The following VAMP8 variants were observed in gnomAD, a reference collection of about 807,000 sequenced individuals.
VAMP8 encodes vesicle-associated membrane protein 8.
Under a neutral mutation model 11.4 loss-of-function variants are expected in VAMP8, and 9 were observed. That is an observed-to-expected ratio of 0.79 (90% CI 0.48 to 1.38). The LOEUF is 1.38. VAMP8 is among the 40% of genes most tolerant of loss of function. The pLI, the probability that VAMP8 is intolerant of heterozygous loss-of-function variation, is 0.00. For synonymous variants in VAMP8, 42 were observed against 44.7 expected (o/e 0.94, Z 0.24); for missense variants, 108 against 127.8 (o/e 0.85, Z 0.75).
intron 1 of VAMP8, among the ~76,000 whole-genome samples, chr2:85,577,903 G>A (rs529473018): frequency 4.6e-5 from 7 of 152,312 alleles, no homozygotes; most frequent in African/African-American, 1.2e-4. Flanking sequence ...TGCCAGCGCC[G>A]ATGGGGGCTC....
chr2:85,581,942 T>C lies in VAMP8; in HGVS notation c.*226T>C, dbSNP rs999089304. ...ACTGTGGCTGCATTTCTTGGGTCCT[T>C]AGAGTGGGCTGGAGAGACCTAGAGG... On this transcript the variant is annotated 3_prime_UTR_variant, in exon 3 of 3. Transcript: ENST00000263864. The C allele has an allele frequency of 1.4e-4, 85 of 588,864 alleles. No homozygotes were observed. Among genetic ancestry groups the C allele is most frequent in the Non-Finnish European group, 2.1e-4 (72 of 342,954 alleles). The allele number at this position is 588,864 out of a possible 1,614,324, so 36.5% of individuals were successfully genotyped here.
chr2:85,577,775 T>TA, intron 1 of VAMP8, 126 bp downstream of exon 1: 1 of 1,327,914 alleles, frequency 7.5e-7, no homozygotes, highest in African/African-American at 1.5e-5. Context: ...CCAGTGCTGC[T>TA]ATGGCCTCTC....
chr2:85,581,766 A>G lies in VAMP8; in HGVS notation c.*50A>G, dbSNP rs760483126. The stretch of plus-strand genomic sequence containing the variant: ...CCCTTCTCTTCAGGGACAACCCTCC[A>G]TAAATGTGTGCCAAGAGGGTCTCCT... On this transcript the variant is annotated 3_prime_UTR_variant, in exon 3 of 3. Transcript: ENST00000263864. 2.5e-6 allele frequency: 4 copies of G among 1,609,234 alleles called. No individual in the cohort carries two copies. In the Admixed American group the frequency reaches 5.0e-5, roughly 20 times the overall value.
intron 2 of VAMP8, chr2:85,579,927 G>T (rs936710176): frequency 1.2e-4 from 174 of 1,510,594 alleles, no homozygotes; most frequent in Non-Finnish European, 1.4e-4. Context: ...TAGCTTAATT[G>T]TAGCTTAATT....
chr2:85,580,180 G>C (rs1008891544), intron 2 of VAMP8, among the ~76,000 whole-genome samples: 1 of 152,156 alleles, frequency 6.6e-6, no homozygotes, highest in Non-Finnish European at 1.5e-5. Flanking sequence ...TTGACCTCCT[G>C]ACCTCAGGTG....
Position 85,578,994 on chromosome 2 carries a change from C to G in VAMP8, c.4-15C>G. On this transcript the variant is annotated splice_polypyrimidine_tract_variant and intron_variant, in intron 1 of 2. Transcript: ENST00000263864. The stretch of plus-strand genomic sequence containing the variant: ...CCCCACCACTTGGTCTAATTAACCC[C>G]GTGTTGCCGCACAGGAGGAAGCCAG... The G allele has an allele frequency of 1.3e-6, 2 of 1,594,832 alleles. No homozygotes were observed. The highest frequency in any genetic ancestry group is 1.1e-5 in the South Asian group (1 of 88,260).
chr2:85,580,549 C>A (rs557584866), intron 2 of VAMP8, among the ~76,000 whole-genome samples: 2 of 152,030 alleles, frequency 1.3e-5, no homozygotes, highest in East Asian at 3.9e-4. Context: ...AGAAAGGGGA[C>A]CCCTAGTCAT....
At chr2:85,579,699 T>C in intron 2 of VAMP8, 1 of 1,539,334 alleles carries the variant, frequency 6.5e-7, no homozygotes, top group Non-Finnish European at 8.8e-7. Flanking sequence ...TAAAATAATA[T>C]CTCCCACACA....
Position 85,579,124 on chromosome 2 carries a change from A to T in VAMP8, c.119A>T (p.Asn40Ile), listed in dbSNP as rs947343816. ...GAGCGGATCCTGGCCCGGGGGGAAA[A>T]CTTGGAACATCTCCGCAACAAGACA... is the stretch of plus-strand genomic sequence containing the variant. ...NVERILARGENLEHLRNKTED... is the reference protein window; with the variant it reads ...NVERILARGEILEHLRNKTED... Residue 40 changes from asparagine to isoleucine, a missense_variant, in exon 2 of 3, where the codon AAC becomes ATC. Coordinates refer to ENST00000263864, the MANE Select transcript of VAMP8 (RefSeq NM_003761.5). 5 of 1,608,680 alleles carry T rather than the reference A, an allele frequency of 3.1e-6. No homozygotes were observed. The highest frequency in any genetic ancestry group is 1.7e-4 in the Middle Eastern group (1 of 6,050).
At chr2:85,579,594 G>A in intron 2 of VAMP8, 2 of 1,326,596 alleles carry the variant, frequency 1.5e-6, no homozygotes, top group Non-Finnish European at 2.0e-6. Flanking sequence ...GACAAGGGGT[G>A]GGAAATTGCT....
At position 85,579,167 on chromosome 2, in the gene VAMP8, A is replaced by AGT. The variant is rs1672329284; in HGVS notation, c.162+2_162+3dup. ...ACAAGACAGAGGATCTGGAAGCCAC[A>AGT]GTGAGACAGGGAGCCCACTGGGGGC... On this transcript the variant is annotated frameshift_variant and splice_region_variant. Transcript: ENST00000263864. LOFTEE classifies it high-confidence loss of function. The AGT allele has an allele frequency of 6.3e-7, 1 of 1,589,188 alleles. No homozygotes were observed. Among genetic ancestry groups the AGT allele is most frequent in the Non-Finnish European group, 8.6e-7 (1 of 1,163,748 alleles).
chr2:85,579,083 T>C lies in VAMP8; in HGVS notation c.78T>C (p.Ile26=). The part of the protein sequence containing the change: ...LQSEVEGVKN[I]MTQNVERILA... The stretch of plus-strand genomic sequence containing the variant: ...GTGAGGTGGAGGGAGTTAAGAATAT[T>C]ATGACCCAGAATGTGGAGCGGATCC... The change falls in exon 2 of 3, where the codon ATT becomes ATC. Residue 26 remains isoleucine (I), a synonymous_variant. Transcript: ENST00000263864. 6.2e-7 allele frequency: 1 copy of C among 1,608,658 alleles called. No homozygotes were observed. Among genetic ancestry groups the C allele is most frequent in the African/African-American group, 1.3e-5 (1 of 74,852 alleles).
chr2:85,579,285 G>T, intron 2 of VAMP8, 118 bp downstream of exon 2: 1 of 1,202,574 alleles, frequency 8.3e-7, no homozygotes, highest in Non-Finnish European at 1.1e-6. Flanking sequence ...CTTTCACCTG[G>T]TTTGGGAGCT....
Position 85,579,119 on chromosome 2 carries a change from G to C in VAMP8, c.114G>C (p.Gly38=), listed in dbSNP as rs765886382. The C allele has an allele frequency of 6.7e-5, 107 of 1,608,084 alleles. No individual in the cohort carries two copies. Among genetic ancestry groups the C allele is most frequent in the Non-Finnish European group, 8.5e-5 (100 of 1,176,850 alleles). ...TQNVERILAR[G]ENLEHLRNKT... Reference sequence around the variant, plus strand: ...ATGTGGAGCGGATCCTGGCCCGGGGGGAAAACTTGGAACATCTCCGCAACA... The same window carrying C: ...ATGTGGAGCGGATCCTGGCCCGGGGCGAAAACTTGGAACATCTCCGCAACA... The change falls in exon 2 of 3, where the codon GGG becomes GGC. Residue 38 remains glycine, a synonymous_variant. Transcript: ENST00000263864.
chr2:85,581,471 C>CAAA (rs11326680), intron 2 of VAMP8, 105 bp from the exon 3 acceptor site: 33 of 1,254,280 alleles, frequency 2.6e-5, no homozygotes, highest in East Asian at 1.0e-4. Context: ...GACTCCATCT[C>CAAA]AAAAAAAAAA....
At chr2:85,579,866 G>C in intron 2 of VAMP8, 1 of 1,550,524 alleles carries the variant, frequency 6.4e-7, no homozygotes, top group South Asian at 1.2e-5. Flanking sequence ...GTGAACTCTT[G>C]GCTCTTGGGT....
intron 1 of VAMP8, 82 bp from the exon 2 acceptor site, chr2:85,578,927 G>A: frequency 6.8e-7 from 1 of 1,469,470 alleles, no homozygotes; most frequent in South Asian, 1.2e-5. Flanking sequence ...GTCTGCCTGA[G>A]GCCTTACCCT....
chr2:85,581,489 A>T (rs1235192711), intron 2 of VAMP8, 87 bp from the exon 3 acceptor site: 7 of 1,476,808 alleles, frequency 4.7e-6, no homozygotes, highest in Non-Finnish European at 6.4e-6. Context: ...AAAAAAAAGT[A>T]TGGCCTGTGG....
intron 1 of VAMP8, 37 bp from the exon 2 acceptor site, chr2:85,578,972 C>T (rs1162673663): frequency 1.3e-6 from 2 of 1,581,398 alleles, no homozygotes; most frequent in East Asian, 4.6e-5. Flanking sequence ...CCAGTTCCCC[C>T]ACCACTTGGT....
Sources: allele counts gnomAD v4.1 joint callset (sites outside exome capture counted in the v4.1 genomes callset), GRCh38; gene constraint gnomAD v4.1.1; transcripts MANE v1.5; gene names NCBI Gene and HGNC (gene_info 2026-07-23, HGNC 2026-07-21).